KLRG1: variants seen among roughly 807,000 people sequenced by gnomAD.
KLRG1 encodes the protein killer cell lectin-like receptor subfamily G member 1.
A neutral mutation model predicts 21.8 loss-of-function variants in KLRG1; 16 were observed. The observed-to-expected ratio is 0.73, with a 90% CI of 0.50 to 1.11. The LOEUF is 1.11. Among genes scored for constraint, KLRG1 ranks in the 50% most tolerant of loss-of-function variants. The pLI, the probability that KLRG1 is intolerant of heterozygous loss-of-function variation, is 0.00. For synonymous variants in KLRG1, 69 were observed against 75.9 expected (o/e 0.91, Z 0.47); for missense variants, 173 against 218.3 (o/e 0.79, Z 1.31).
intron 1 of KLRG1, among the ~76,000 whole-genome samples, chr12:8,957,279 A>C (rs1163770943): frequency 6.6e-6 from 1 of 152,196 alleles, no homozygotes; most frequent in Non-Finnish European, 1.5e-5. Flanking sequence ...GACAGCATCT[A>C]ACCCAGTTGC....
intron 1 of KLRG1, among the ~76,000 whole-genome samples, chr12:8,958,191 C>A (rs1187734651): frequency 6.6e-6 from 1 of 152,148 alleles, no homozygotes; most frequent in East Asian, 1.9e-4. Context: ...AACCAGTGTG[C>A]CCGGTCTGTG....
chr12:8,991,689 A>G (rs1946972203), intron 1 of KLRG1, among the ~76,000 whole-genome samples: 1 of 152,188 alleles, frequency 6.6e-6, no homozygotes, highest in Admixed American at 6.5e-5. Context: ...TAGAAGCTAT[A>G]TATTCACTTT....
intron 1 of KLRG1, among the ~76,000 whole-genome samples, chr12:8,976,811 A>C (rs1295476740): frequency 6.7e-6 from 1 of 150,110 alleles, no homozygotes; most frequent in East Asian, 2.0e-4. Flanking sequence ...AATGGCGTGC[A>C]TTTTGGCTCG....
the KLRG1 span, chr12:9,194,155 AT>A: frequency 6.2e-7 from 1 of 1,614,034 alleles, no homozygotes; most frequent in Non-Finnish European, 8.5e-7. Context: ...TGGTGGTTGC[AT>A]TGGAGTAATA....
chr12:9,085,206 A>G, the KLRG1 span, among the ~76,000 whole-genome samples: 1 of 152,090 alleles, frequency 6.6e-6, no homozygotes, highest in Non-Finnish European at 1.5e-5. Context: ...AGAACATTTC[A>G]TCTCAAGCAC....
At chr12:9,165,381 C>A in the KLRG1 span, 1 of 1,613,384 alleles carries the variant, frequency 6.2e-7, no homozygotes, top group Non-Finnish European at 8.5e-7. Flanking sequence ...GGGAGGAGGG[C>A]AAGTGAAGAA....
At chr12:9,210,148 G>A in the KLRG1 span, among the ~76,000 whole-genome samples, 3 of 152,068 alleles carry the variant, frequency 2.0e-5, no homozygotes, top group Non-Finnish European at 4.4e-5. Flanking sequence ...GCTCTTCAGA[G>A]TATTACATGG....
the KLRG1 span, among the ~76,000 whole-genome samples, chr12:9,188,662 G>T: frequency 9.2e-5 from 14 of 152,106 alleles, no homozygotes; most frequent in African/African-American, 3.4e-4. Context: ...GCTGAAAAAT[G>T]ATGTTAGCAA....
At chr12:9,081,739 G>C in the KLRG1 span, among the ~76,000 whole-genome samples, 1 of 152,342 alleles carries the variant, frequency 6.6e-6, no homozygotes, top group Non-Finnish European at 1.5e-5. Flanking sequence ...TAGACATCAA[G>C]ATTCTCAAGT....
At chr12:9,138,236 T>G in the KLRG1 span, among the ~76,000 whole-genome samples, 3 of 152,018 alleles carry the variant, frequency 2.0e-5, no homozygotes, top group Admixed American at 6.5e-5. Flanking sequence ...GAATGTTGAA[T>G]TTTGTCAAAT....
the KLRG1 span, among the ~76,000 whole-genome samples, chr12:9,094,046 G>A: frequency 2.0e-5 from 3 of 152,074 alleles, no homozygotes; most frequent in African/African-American, 4.8e-5. Flanking sequence ...AGTCCTATGT[G>A]GCTGCTGCCG....
chr12:9,022,296 G>A, the KLRG1 span, among the ~76,000 whole-genome samples: 7 of 152,214 alleles, frequency 4.6e-5, no homozygotes, highest in African/African-American at 1.7e-4. Flanking sequence ...ATACCTGAGT[G>A]TTTGTGCAGT....
chr12:9,160,191 G>A, the KLRG1 span: 1 of 1,102,514 alleles, frequency 9.1e-7, no homozygotes, highest in Non-Finnish European at 1.3e-6. Flanking sequence ...CTATTAGAGT[G>A]TGGGAAGATT....
chr12:9,037,738 T>C, the KLRG1 span, among the ~76,000 whole-genome samples: 4 of 152,184 alleles, frequency 2.6e-5, no homozygotes, highest in African/African-American at 9.7e-5. Context: ...ACCTTTTCTA[T>C]GTTTAGATAC....
At chr12:9,171,266 G>C in the KLRG1 span, among the ~76,000 whole-genome samples, 1 of 152,198 alleles carries the variant, frequency 6.6e-6, no homozygotes. Context: ...CCCTATGATA[G>C]AGTGGCTTGA....
At chr12:9,144,974 GAT>G in the KLRG1 span, among the ~76,000 whole-genome samples, 1 of 152,190 alleles carries the variant, frequency 6.6e-6, no homozygotes, top group Non-Finnish European at 1.5e-5. Flanking sequence ...CCAAGATGAT[GAT>G]ACTCCTGCCC....
At chr12:9,170,674 A>C in the KLRG1 span, among the ~76,000 whole-genome samples, 1 of 152,154 alleles carries the variant, frequency 6.6e-6, no homozygotes, top group African/African-American at 2.4e-5. The surrounding 1 kb of genome is among the most constrained non-coding windows in gnomAD (Gnocchi z 4.6). Context: ...TGGGGAATAC[A>C]GATGGTCTGG....
the KLRG1 span, among the ~76,000 whole-genome samples, chr12:9,113,118 T>TTC: frequency 7.2e-6 from 1 of 139,832 alleles, no homozygotes; most frequent in Non-Finnish European, 1.6e-5. Flanking sequence ...TTTTTTTTTT[T>TTC]CCTTTCTGGC....
chr12:9,201,766 C>T, the KLRG1 span, among the ~76,000 whole-genome samples: 7 of 151,874 alleles, frequency 4.6e-5, no homozygotes, highest in Admixed American at 2.0e-4. Flanking sequence ...GAAAGTAAAC[C>T]AAGAATATTT....
Sources: allele counts gnomAD v4.1 joint callset (sites outside exome capture counted in the v4.1 genomes callset), GRCh38; gene constraint gnomAD v4.1.1; non-coding constraint Gnocchi (gnomAD v3.1); transcripts MANE v1.5; gene names NCBI Gene and HGNC (gene_info 2026-07-23, HGNC 2026-07-21).